The following PDE8B variants were observed in gnomAD, a reference collection of about 807,000 sequenced individuals.
PDE8B encodes high affinity cAMP-specific and IBMX-insensitive 3',5'-cyclic phosphodiesterase 8B.
In PDE8B, 26 loss-of-function variants were observed where a neutral mutation model predicts 101.3. The observed-to-expected ratio is 0.26, with a 90% CI of 0.19 to 0.36. The LOEUF (loss-of-function observed/expected upper bound fraction) is 0.36, where lower values mean the gene tolerates loss of function less well. Among genes scored for constraint, PDE8B ranks in the 10% least tolerant of loss-of-function variants. PDE8B has a pLI of 1.00. For missense variants in PDE8B, 810 were observed against 1,163.1 expected, an observed-to-expected ratio of 0.70 and a Z score of 4.42; for synonymous variants, 424 against 429.3, an observed-to-expected ratio of 0.99 and a Z score of 0.15.
the PDE8B span, chr5:77,088,451 TCA>T: frequency 7.4e-6 from 1 of 134,444 alleles, no homozygotes; most frequent in Non-Finnish European, 1.5e-5. Context: ...AAGAATCAGG[TCA>T]CACATGGACT....
At chr5:77,361,516 CTTTTTTT>C (rs34128451) in intron 10 of PDE8B, among the ~76,000 whole-genome samples, 57 of 139,994 alleles carry the variant, frequency 4.1e-4, no homozygotes, top group Non-Finnish European at 8.4e-4. Flanking sequence ...TTTCATCTTA[CTTTTTTT>C]TTTTTTTTTG....
chr5:77,142,383 C>G, the PDE8B span: 3 of 152,152 alleles, frequency 2.0e-5, no homozygotes, highest in African/African-American at 7.2e-5. Context: ...GACAAGTGTA[C>G]GTACCCATGG....
At chr5:77,404,876 G>A (rs993487788) in intron 12 of PDE8B, 79 bp downstream of exon 12, 36 of 884,062 alleles carry the variant, frequency 4.1e-5, no homozygotes, top group African/African-American at 8.2e-5. Context: ...ATTCATCAGC[G>A]TATAAACTCC....
intron 1 of PDE8B, among the ~76,000 whole-genome samples, chr5:77,261,112 G>A (rs1363058967): frequency 6.6e-6 from 1 of 152,144 alleles, no homozygotes; most frequent in Non-Finnish European, 1.5e-5. Context: ...AAATAAAAAT[G>A]GTCTGGTATC....
At chr5:77,254,238 T>C (rs2149645152) in intron 1 of PDE8B, among the ~76,000 whole-genome samples, 1 of 152,246 alleles carries the variant, frequency 6.6e-6, no homozygotes, top group East Asian at 1.9e-4. Context: ...AATTGAGAGG[T>C]GTCTGAGACA....
chr5:77,246,341 G>C (rs187229082), intron 1 of PDE8B, among the ~76,000 whole-genome samples: 2 of 152,158 alleles, frequency 1.3e-5, no homozygotes, highest in African/African-American at 4.8e-5. Context: ...TAGGTTGTTC[G>C]TGGGGACTCC....
At chr5:77,338,538 T>C (rs1214226723) in intron 6 of PDE8B, among the ~76,000 whole-genome samples, 9 of 152,226 alleles carry the variant, frequency 5.9e-5, no homozygotes, top group Admixed American at 2.6e-4. Context: ...TTTTTGAGCG[T>C]ATAAGTAAGC....
the PDE8B span, among the ~76,000 whole-genome samples, chr5:77,163,665 AGCTGTTTT>A: frequency 6.6e-6 from 1 of 152,332 alleles, no homozygotes; most frequent in Admixed American, 6.5e-5. Flanking sequence ...CTGGGTCGGC[AGCTGTTTT>A]GCAAAAGCTG....
chr5:77,309,458 C>T (rs1772043566), intron 1 of PDE8B, among the ~76,000 whole-genome samples: 1 of 152,038 alleles, frequency 6.6e-6, no homozygotes, highest in Non-Finnish European at 1.5e-5. Context: ...TTTTCTGCCA[C>T]TGAGTGACTC....
At chr5:77,266,206 G>A (rs1384752763) in intron 1 of PDE8B, among the ~76,000 whole-genome samples, 1 of 152,178 alleles carries the variant, frequency 6.6e-6, no homozygotes, top group African/African-American at 2.4e-5. Flanking sequence ...GACTTTTGTG[G>A]TCATTTGTGG....
At chr5:77,304,116 C>T (rs1770624524) in intron 1 of PDE8B, among the ~76,000 whole-genome samples, 2 of 152,122 alleles carry the variant, frequency 1.3e-5, no homozygotes, top group Non-Finnish European at 2.9e-5. Context: ...AACTGTTTTT[C>T]AAAGTTGCTA....
At chr5:77,351,250 A>G (rs1781073564) in intron 9 of PDE8B, 97 bp downstream of exon 9, 1 of 894,262 alleles carries the variant, frequency 1.1e-6, no homozygotes, top group Non-Finnish European at 1.9e-6. Flanking sequence ...TTACATCCAC[A>G]AATGCAGTAG....
At chr5:77,090,306 C>A in the PDE8B span, among the ~76,000 whole-genome samples, 1 of 152,148 alleles carries the variant, frequency 6.6e-6, no homozygotes, top group Non-Finnish European at 1.5e-5. Context: ...GTGGCACGAT[C>A]TCGGCTCACT....
At chr5:77,183,987 A>C in the PDE8B span, among the ~76,000 whole-genome samples, 3 of 152,004 alleles carry the variant, frequency 2.0e-5, no homozygotes, top group Non-Finnish European at 4.4e-5. Context: ...TTTTAAAAAA[A>C]AACAGAATCT....
At chr5:77,198,983 C>A in the PDE8B span, among the ~76,000 whole-genome samples, 13 of 152,038 alleles carry the variant, frequency 8.6e-5, no homozygotes, top group African/African-American at 1.2e-4. Flanking sequence ...TCGTCTTTTC[C>A]CACACACCCA....
chr5:77,352,588 G>A (rs1179024012), intron 9 of PDE8B, among the ~76,000 whole-genome samples: 1 of 152,184 alleles, frequency 6.6e-6, no homozygotes, highest in Non-Finnish European at 1.5e-5. Context: ...TTATTACAGA[G>A]TAACCAGTAT....
In PDE8B at chr5:77,408,970, T is replaced by C. The variant is rs1794028298; in HGVS notation, c.1443T>C (p.Ile481=). 6.2e-7 allele frequency: 1 copy of C among 1,612,926 alleles called. No individual in the cohort carries two copies. Among genetic ancestry groups the C allele is most frequent in the Admixed American group, 1.7e-5 (1 of 59,990 alleles). The part of the protein sequence containing the change: ...VAEALDRVLE[I]LRTTELYSPQ... ...AAGCCTTGGACAGAGTTCTAGAGAT[T>C]TTACGGACCACAGAACTGTACTCCC... The change falls in exon 14 of 22, where the codon ATT becomes ATC. Residue 481 remains isoleucine, a synonymous_variant. Coordinates refer to ENST00000264917, the MANE Select transcript of PDE8B (RefSeq NM_003719.5).
intron 1 of PDE8B, among the ~76,000 whole-genome samples, chr5:77,269,178 G>A (rs2149760333): frequency 6.6e-6 from 1 of 152,066 alleles, no homozygotes; most frequent in South Asian, 2.1e-4. Context: ...TTTTAACTGG[G>A]GTGAGATGAT....
Position 77,325,802 on chromosome 5 carries a change from CT to C in PDE8B, c.590+76del, listed in dbSNP as rs1775946815. 4.2e-5 allele frequency: 43 copies of C among 1,027,304 alleles called. 2 individuals carry two copies. The South Asian group carries it at 5.6e-4, about 13-fold the overall frequency. 63.6% of individuals were successfully genotyped at this position (1,027,304 alleles called of 1,614,324 possible). A position where few individuals can be genotyped will look rare whatever the true frequency, so the allele number is the denominator to read the frequency against. On this transcript the variant is annotated intron_variant, in intron 3 of 21. Transcript: ENST00000264917. ...TAAAACGAATTTCATTTATAGATAT[CT>C]TTAGTTTATTTCAAATATTTTTAAA... is the stretch of plus-strand genomic sequence containing the variant.
Sources: allele counts gnomAD v4.1 joint callset (sites outside exome capture counted in the v4.1 genomes callset), GRCh38; gene constraint gnomAD v4.1.1; transcripts MANE v1.5; gene names NCBI Gene and HGNC (gene_info 2026-07-23, HGNC 2026-07-21).